Variants in B3GALT5 observed in about 807,000 individuals in gnomAD.
The protein encoded by B3GALT5 is beta-1,3-galactosyltransferase 5.
For missense variants in B3GALT5, 328 were observed against 396.6 expected, an observed-to-expected ratio of 0.83 and a Z score of 1.47; for synonymous variants, 156 against 158.6, an observed-to-expected ratio of 0.98 and a Z score of 0.12.
intron 1 of B3GALT5, among the ~76,000 whole-genome samples, chr21:39,629,590 CTT>C (rs1472691365): frequency 2.0e-5 from 3 of 152,072 alleles, no homozygotes; most frequent in African/African-American, 7.2e-5. Flanking sequence ...AGAGCTTAGT[CTT>C]TTTCTTTCTT....
chr21:39,658,751 G>A (rs1451925674), intron 2 of B3GALT5, among the ~76,000 whole-genome samples: 1 of 152,126 alleles, frequency 6.6e-6, no homozygotes, highest in Non-Finnish European at 1.5e-5. Flanking sequence ...AGTTGCTGGG[G>A]GCAGGAGCTG....
chr21:39,624,014 A>G (rs962515984), intron 1 of B3GALT5, among the ~76,000 whole-genome samples: 3 of 152,164 alleles, frequency 2.0e-5, no homozygotes, highest in African/African-American at 7.2e-5. Context: ...CTGGGGAAGG[A>G]GAATGATTCT....
chr21:39,671,158 G>T lies in B3GALT5; in HGVS notation c.*9666G>T, dbSNP rs1040476512. 1 of 152,172 alleles carries T rather than the reference G, an allele frequency of 6.6e-6. No homozygotes were observed. Among genetic ancestry groups the T allele is most frequent in the Non-Finnish European group, 1.5e-5 (1 of 68,046 alleles). The allele number at this position is 152,172 out of a possible 1,614,324, so 9.4% of individuals were successfully genotyped here. ...TCATTCATGACAGCAGAACCCTCCT[G>T]ACCCAGTCACCTCTTAAAAGGTCCC... On this transcript the variant is annotated 3_prime_UTR_variant, in exon 4 of 4. Coordinates refer to ENST00000684187, the MANE Select transcript of B3GALT5 (RefSeq NM_001356336.2).
chr21:39,640,760 T>C (rs957654312), intron 1 of B3GALT5, among the ~76,000 whole-genome samples: 3 of 151,998 alleles, frequency 2.0e-5, no homozygotes, highest in African/African-American at 7.2e-5. Flanking sequence ...TTTTTGTTTG[T>C]TTTTCAAGAC....
intron 1 of B3GALT5, among the ~76,000 whole-genome samples, chr21:39,637,088 C>CA (rs2079233598): frequency 6.6e-6 from 1 of 152,182 alleles, no homozygotes; most frequent in African/African-American, 2.4e-5. Flanking sequence ...ACTATTAGGG[C>CA]CGAGCACACG....
chr21:39,659,982 G>A, intron 3 of B3GALT5, 70 bp downstream of exon 3: 1 of 882,974 alleles, frequency 1.1e-6, no homozygotes, highest in South Asian at 5.2e-5. Flanking sequence ...GGATAGCAGA[G>A]ACGGGTGGGC....
intron 2 of B3GALT5, among the ~76,000 whole-genome samples, chr21:39,647,457 G>A (rs2079351641): frequency 6.6e-6 from 1 of 152,150 alleles, no homozygotes; most frequent in South Asian, 2.1e-4. Flanking sequence ...TCGGGCCTCA[G>A]TCTCCTGAGT....
In B3GALT5 at chr21:39,659,793, G is replaced by C. The variant is rs1602305817; in HGVS notation, c.-120G>C. 2 of 984,068 alleles carry C rather than the reference G, an allele frequency of 2.0e-6. No individual in the cohort carries two copies. The highest frequency in any genetic ancestry group is 1.2e-6 in the Non-Finnish European group (1 of 829,680). 61.0% of individuals were successfully genotyped at this position (984,068 alleles called of 1,614,324 possible). A position where few individuals can be genotyped will look rare whatever the true frequency, so the allele number is the denominator to read the frequency against. ...TCACCATTTTTGGTAAACAAACCAAGCCCAGAACCTGATAATTATGGAGCA... is the reference window on the plus strand; with the variant it reads ...TCACCATTTTTGGTAAACAAACCAACCCCAGAACCTGATAATTATGGAGCA... On this transcript the variant is annotated 5_prime_UTR_variant, in exon 3 of 4. Transcript: ENST00000684187.
intron 1 of B3GALT5, among the ~76,000 whole-genome samples, chr21:39,616,323 T>C (rs2079107319): frequency 6.6e-6 from 1 of 152,248 alleles, no homozygotes; most frequent in South Asian, 2.1e-4. Context: ...GTGATCACTG[T>C]GCTTCCTAAA....
At position 39,668,236 on chromosome 21, in the gene B3GALT5, C is replaced by G. The variant is rs998240119; in HGVS notation, c.*6744C>G. Reference sequence around the variant, plus strand: ...CCATGGCCCCAGGCTGCAGAGGACCCAGGTTACAACTTGCTCAAGTAGACC... The same window carrying G: ...CCATGGCCCCAGGCTGCAGAGGACCGAGGTTACAACTTGCTCAAGTAGACC... On this transcript the variant is annotated 3_prime_UTR_variant, in exon 4 of 4. Transcript: ENST00000684187. The G allele has an allele frequency of 6.6e-6, 1 of 152,318 alleles. No individual in the cohort carries two copies. The highest frequency in any genetic ancestry group is 2.4e-5 in the African/African-American group (1 of 41,448). 9.4% of individuals were successfully genotyped at this position (152,318 alleles called of 1,614,324 possible).
At chr21:39,656,461 G>C (rs543195322) in intron 2 of B3GALT5, among the ~76,000 whole-genome samples, 1 of 152,136 alleles carries the variant, frequency 6.6e-6, no homozygotes, top group Non-Finnish European at 1.5e-5. Context: ...CCTTCACGGG[G>C]CTCAGAATGC....
chr21:39,631,536 T>C (rs1324193428), intron 1 of B3GALT5, among the ~76,000 whole-genome samples: 1 of 152,212 alleles, frequency 6.6e-6, no homozygotes, highest in Non-Finnish European at 1.5e-5. Context: ...TCTGAGGTAA[T>C]TGGGGTTAGG....
chr21:39,641,927 AG>A (rs896166009), intron 1 of B3GALT5, among the ~76,000 whole-genome samples: 2 of 152,204 alleles, frequency 1.3e-5, no homozygotes, highest in African/African-American at 2.4e-5. Context: ...CCAGACTAAG[AG>A]GACTTTTGCT....
intron 1 of B3GALT5, among the ~76,000 whole-genome samples, chr21:39,623,125 TC>T (rs2079142857): frequency 6.9e-6 from 1 of 144,990 alleles, no homozygotes; most frequent in Admixed American, 6.8e-5. Context: ...GTTCCTTCTT[TC>T]CTTCCTTCCT....
chr21:39,641,615 C>T (rs2079291054), intron 1 of B3GALT5, among the ~76,000 whole-genome samples: 1 of 152,082 alleles, frequency 6.6e-6, no homozygotes, highest in Admixed American at 6.6e-5. Flanking sequence ...TTTGCATAAC[C>T]ATTGTTAAGT....
intron 1 of B3GALT5, among the ~76,000 whole-genome samples, chr21:39,639,525 G>C (rs181869958): frequency 7.8e-5 from 11 of 140,852 alleles, no homozygotes; most frequent in African/African-American, 2.8e-4. Context: ...TGTCACCCAG[G>C]CTAGAGTGCA....
chr21:39,639,473 T>TTC, intron 1 of B3GALT5, among the ~76,000 whole-genome samples: 1 of 142,718 alleles, frequency 7.0e-6, no homozygotes, highest in Non-Finnish European at 1.5e-5. Flanking sequence ...TCTCTCTCTC[T>TTC]CTCTCTTTCT....
At chr21:39,625,856 T>G (rs1428785325) in intron 1 of B3GALT5, among the ~76,000 whole-genome samples, 1 of 152,172 alleles carries the variant, frequency 6.6e-6, no homozygotes, top group Non-Finnish European at 1.5e-5. Flanking sequence ...ATAGTTTTTT[T>G]GGGGGGGTAT....
intron 1 of B3GALT5, among the ~76,000 whole-genome samples, chr21:39,630,101 C>T (rs2123695331): frequency 6.6e-6 from 1 of 152,264 alleles, no homozygotes; most frequent in Non-Finnish European, 1.5e-5. Context: ...TCTCTAACAA[C>T]CAACACTCAA....
Sources: gnomAD v4.1 joint callset for allele counts (sites outside exome capture counted in the v4.1 genomes callset) on GRCh38, gnomAD v4.1.1 for gene constraint, MANE v1.5 for transcripts, NCBI Gene and HGNC (gene_info 2026-07-23, HGNC 2026-07-21) for gene names.